Variants in ATP2C2 observed in about 807,000 individuals in gnomAD.
ATP2C2 encodes the protein ATPase secretory pathway Ca2+ transporting 2, also known as calcium-transporting ATPase type 2C member 2.
A neutral mutation model predicts 110.8 loss-of-function variants in ATP2C2; 171 were observed. The observed-to-expected ratio is 1.54, with a 90% CI of 1.36 to 1.75. The LOEUF (loss-of-function observed/expected upper bound fraction) is 1.75, where lower values mean the gene tolerates loss of function less well. Ranked by LOEUF, ATP2C2 falls within the 40% of genes most tolerant of loss-of-function variation. The pLI is 0.00. For synonymous variants in ATP2C2, 804 were observed against 508.4 expected (o/e 1.58, Z -7.82); for missense variants, 1,963 against 1,235.0 (o/e 1.59, Z -8.84).
At chr16:84,445,302 A>T (rs921281517) in intron 15 of ATP2C2, among the ~76,000 whole-genome samples, 1 of 148,532 alleles carries the variant, frequency 6.7e-6, no homozygotes, top group Non-Finnish European at 1.5e-5. Flanking sequence ...TCCGCCTCCC[A>T]GGTTCAAGCG....
At chr16:84,441,115 A>C (rs1039197468) in intron 14 of ATP2C2, among the ~76,000 whole-genome samples, 157 bp downstream of exon 14, 1 of 152,184 alleles carries the variant, frequency 6.6e-6, no homozygotes, top group Non-Finnish European at 1.5e-5. Context: ...AATGGCCTCA[A>C]AAGTGATGGA....
intron 21 of ATP2C2, among the ~76,000 whole-genome samples, chr16:84,456,574 ATTGT>A (rs1190099273): frequency 8.4e-6 from 1 of 119,420 alleles, no homozygotes; most frequent in East Asian, 2.3e-4. Flanking sequence ...AGACGACATG[ATTGT>A]TTATCTAGAA....
At chr16:84,455,136 C>A in intron 21 of ATP2C2, 152 bp downstream of exon 21, 1 of 980,296 alleles carries the variant, frequency 1.0e-6, no homozygotes. Context: ...GGCAGGTGCC[C>A]CCAACCCCAA....
At chr16:84,421,154 CT>C (rs1436096200) in intron 7 of ATP2C2, among the ~76,000 whole-genome samples, 1 of 152,184 alleles carries the variant, frequency 6.6e-6, no homozygotes, top group Non-Finnish European at 1.5e-5. Flanking sequence ...CCAGAATGTT[CT>C]TTGAGCCTCC....
chr16:84,459,544 G>C (rs765040305), intron 23 of ATP2C2, 158 bp downstream of exon 23: 106 of 1,540,152 alleles, frequency 6.9e-5, no homozygotes, highest in Non-Finnish European at 8.7e-5. Context: ...ACTGCAGTGA[G>C]ACTGGGAGTA....
chr16:84,460,664 G>A lies in ATP2C2; in HGVS notation c.2344G>A (p.Glu782Lys). Residue 782 changes from glutamate (E) to lysine (K), a missense_variant, in exon 24 of 27, where the codon GAG becomes AAG. Transcript: ENST00000262429. ...TCTTGTTCGGAGCAGCTTGGGGGTA[G>A]AGCCCGTTGACAAAGACGCCTTCAG... The part of the protein sequence containing the change: ...DGPPAQSLGV[E>K]PVDKDAFRQP... The A allele has an allele frequency of 6.2e-7, 1 of 1,614,220 alleles. No homozygotes were observed. The highest frequency in any genetic ancestry group is 8.5e-7 in the Non-Finnish European group (1 of 1,180,040).
At chr16:84,439,105 A>G in intron 11 of ATP2C2, 61 bp from the exon 12 acceptor site, 1 of 1,596,292 alleles carries the variant, frequency 6.3e-7, no homozygotes, top group Non-Finnish European at 8.6e-7. Context: ...TGCCAGCCCC[A>G]GCTGAGAGTC....
chr16:84,428,799 A>G (rs1908008755), intron 11 of ATP2C2, among the ~76,000 whole-genome samples: 1 of 152,214 alleles, frequency 6.6e-6, no homozygotes, highest in Non-Finnish European at 1.5e-5. Context: ...GAACAAGAAA[A>G]AAAGCTGTAC....
intron 2 of ATP2C2, among the ~76,000 whole-genome samples, chr16:84,399,124 T>G (rs1905166542): frequency 6.6e-6 from 1 of 152,210 alleles, no homozygotes; most frequent in African/African-American, 2.4e-5. Flanking sequence ...GACAAACATT[T>G]GCATTGCACA....
chr16:84,399,388 T>G (rs1220130030), intron 2 of ATP2C2, among the ~76,000 whole-genome samples: 1 of 152,334 alleles, frequency 6.6e-6, no homozygotes, highest in African/African-American at 2.4e-5. Context: ...AGATTTTCTT[T>G]CACTATTCAA....
Position 84,368,727 on chromosome 16 carries a change from G to A in ATP2C2, c.99+13G>A. On this transcript the variant is annotated intron_variant, in intron 1 of 26. Transcript: ENST00000262429. ...AGAGGAAGCCTTGGTGAGTCCCCGCGACTCCGCGCCGGGCGTGCGACCCGA... is the reference window on the plus strand; with the variant it reads ...AGAGGAAGCCTTGGTGAGTCCCCGCAACTCCGCGCCGGGCGTGCGACCCGA... The A allele has an allele frequency of 6.6e-7, 1 of 1,510,914 alleles. No homozygotes were observed. The highest frequency in any genetic ancestry group is 2.8e-5 in the East Asian group (1 of 35,738). The allele number at this position is 1,510,914 out of a possible 1,614,324, so 93.6% of individuals were successfully genotyped here.
intron 17 of ATP2C2, among the ~76,000 whole-genome samples, chr16:84,449,774 C>A (rs546756479): frequency 1.3e-5 from 2 of 152,220 alleles, no homozygotes; most frequent in African/African-American, 4.8e-5. Context: ...ATGGTTGATA[C>A]GACCAAGCCA....
intron 3 of ATP2C2, among the ~76,000 whole-genome samples, chr16:84,405,822 A>C: frequency 6.6e-6 from 1 of 152,162 alleles, no homozygotes; most frequent in East Asian, 1.9e-4. Flanking sequence ...GAGGAGGCTG[A>C]GGTGGGAGGA....
In ATP2C2 at chr16:84,423,235, A is replaced by T. The variant is rs753817918; in HGVS notation, c.891A>T (p.Gln297His). Residue 297 changes from glutamine (Q) to histidine (H), a missense_variant, in exon 10 of 27, where the codon CAA becomes CAT. Transcript: ENST00000262429. ...AAAGCATGGACAGGCTAGGAAAGCA[A>T]CTGACACTCTTCTCCTTTGGCATAA... Reference protein sequence around the residue: ...LQKSMDRLGKQLTLFSFGIIG... With the variant: ...LQKSMDRLGKHLTLFSFGIIG... 1 of 1,614,040 alleles carries T rather than the reference A, an allele frequency of 6.2e-7. No individual in the cohort carries two copies. The highest frequency in any genetic ancestry group is 1.1e-5 in the South Asian group (1 of 91,078).
chr16:84,420,536 G>A (rs1907238892), intron 7 of ATP2C2, among the ~76,000 whole-genome samples: 1 of 149,152 alleles, frequency 6.7e-6, no homozygotes, highest in Admixed American at 6.7e-5. Context: ...GGAAAATTCA[G>A]CTCAGGGTTC....
chr16:84,452,270 G>T (rs530829313), intron 18 of ATP2C2, among the ~76,000 whole-genome samples, 179 bp downstream of exon 18: 1 of 152,164 alleles, frequency 6.6e-6, no homozygotes, highest in Admixed American at 6.5e-5. Flanking sequence ...AGGTGTTCTC[G>T]TTTCTGAAAT....
At chr16:84,406,181 G>A (rs1003956436) in intron 3 of ATP2C2, among the ~76,000 whole-genome samples, 3 of 152,154 alleles carry the variant, frequency 2.0e-5, no homozygotes, top group Non-Finnish European at 4.4e-5. Context: ...GTGCTGGCGC[G>A]GTGCTGAATG....
intron 11 of ATP2C2, among the ~76,000 whole-genome samples, chr16:84,427,807 G>A (rs556101899): frequency 1.8e-4 from 27 of 152,128 alleles, no homozygotes; most frequent in Non-Finnish European, 3.7e-4. Context: ...AGTGTGTAGT[G>A]ACTCCTAACA....
At chr16:84,391,281 G>A (rs923357674) in intron 1 of ATP2C2, among the ~76,000 whole-genome samples, 1 of 152,146 alleles carries the variant, frequency 6.6e-6, no homozygotes, top group Admixed American at 6.5e-5. Flanking sequence ...TGTCTACAAA[G>A]TAACAAGAAG....
Sources: allele counts gnomAD v4.1 joint callset (sites outside exome capture counted in the v4.1 genomes callset), GRCh38; gene constraint gnomAD v4.1.1; transcripts MANE v1.5; gene names NCBI Gene and HGNC (gene_info 2026-07-23, HGNC 2026-07-21).